The following LRP1B variants were observed in gnomAD, a reference collection of about 807,000 sequenced individuals.
LRP1B encodes the protein low-density lipoprotein receptor-related protein 1B.
A neutral mutation model predicts 556.6 loss-of-function variants in LRP1B; 217 were observed. The observed-to-expected ratio is 0.39, with a 90% CI of 0.35 to 0.44. The LOEUF is 0.44. LRP1B is among the 20% of genes least tolerant of loss of function. The pLI is 1.00. For synonymous variants in LRP1B, 2,047 were observed against 1,865.8 expected, an observed-to-expected ratio of 1.10 and a Z score of -2.50; for missense variants, 5,053 against 5,620.8, an observed-to-expected ratio of 0.90 and a Z score of 3.23.
rs570869657 is a variant in LRP1B, at chr2:140,912,455, T to C, written c.3320-4378A>G. On this transcript the variant is annotated intron_variant, in intron 21 of 90. Transcript: ENST00000389484. ...ATAGACATTATAACTATCCAATAGATAGAATATCCAAAAATCTTTAAAATA... is the reference window on the plus strand; with the variant it reads ...ATAGACATTATAACTATCCAATAGACAGAATATCCAAAAATCTTTAAAATA... Among the ~76,000 whole-genome samples the C allele has an allele frequency of 4.6e-5, 7 of 151,740 alleles. No homozygotes were observed. In the South Asian group the frequency reaches 1.0e-3, roughly 22 times the overall value.
At chr2:142,078,318 T>C (rs1705585215) in intron 1 of LRP1B, among the ~76,000 whole-genome samples, 1 of 152,176 alleles carries the variant, frequency 6.6e-6, no homozygotes, top group Non-Finnish European at 1.5e-5. Flanking sequence ...ACCCAAGATA[T>C]CCTCCTTCCC....
intron 2 of LRP1B, among the ~76,000 whole-genome samples, chr2:141,507,979 T>C (rs1462750284): frequency 2.6e-5 from 4 of 151,686 alleles, no homozygotes; most frequent in Non-Finnish European, 5.9e-5. Context: ...TCCCAGATAC[T>C]TGGGAGGCTG....
At chr2:141,178,243 G>A (rs1042537563) in intron 7 of LRP1B, among the ~76,000 whole-genome samples, 8 of 152,036 alleles carry the variant, frequency 5.3e-5, no homozygotes, top group Non-Finnish European at 1.0e-4. Flanking sequence ...GCCTCCTATT[G>A]GAAGCACAGC....
intron 2 of LRP1B, among the ~76,000 whole-genome samples, chr2:141,707,799 G>A (rs953010980): frequency 8.6e-4 from 131 of 152,258 alleles, no homozygotes; most frequent in African/African-American, 3.0e-3. Flanking sequence ...GTAAAACACC[G>A]TGGGAGCAGG....
At chr2:141,133,305 C>CACAAT (rs1558883130) in intron 7 of LRP1B, among the ~76,000 whole-genome samples, 1 of 129,982 alleles carries the variant, frequency 7.7e-6, no homozygotes. Context: ...TTTTTTTTTT[C>CACAAT]CACAATACTG....
chr2:141,870,537 A>C (rs1040175561), intron 1 of LRP1B, among the ~76,000 whole-genome samples: 1 of 152,004 alleles, frequency 6.6e-6, no homozygotes, highest in Non-Finnish European at 1.5e-5. Context: ...CTTTTGCTCC[A>C]TCTTTAAGTC....
At chr2:141,526,440 G>T (rs988663231) in intron 2 of LRP1B, among the ~76,000 whole-genome samples, 3 of 152,030 alleles carry the variant, frequency 2.0e-5, no homozygotes, top group African/African-American at 7.2e-5. Flanking sequence ...AATGTTGATT[G>T]TCAGTGAAGC....
intron 7 of LRP1B, among the ~76,000 whole-genome samples, chr2:141,124,664 G>GAAAAAAAAAAA (rs570765407): frequency 1.2e-4 from 9 of 73,628 alleles, no homozygotes; most frequent in African/African-American, 2.4e-4. Context: ...AGTGACAAAT[G>GAAAAAAAAAAA]AAAAAAAAAA....
chr2:140,536,830 A>AT, intron 45 of LRP1B, 121 bp from the exon 46 acceptor site: 1 of 748,098 alleles, frequency 1.3e-6, no homozygotes, highest in Non-Finnish European at 2.1e-6. Flanking sequence ...AAAATGTACA[A>AT]TTAAAGAGCA....
chr2:141,232,953 G>A (rs557892076), intron 5 of LRP1B, among the ~76,000 whole-genome samples: 12 of 152,274 alleles, frequency 7.9e-5, no homozygotes, highest in African/African-American at 2.9e-4. Flanking sequence ...AACTGGCATA[G>A]CCCTGGCAAA....
intron 1 of LRP1B, among the ~76,000 whole-genome samples, chr2:141,813,020 C>G (rs967382756): frequency 6.6e-6 from 1 of 151,916 alleles, no homozygotes; most frequent in African/African-American, 2.4e-5. Context: ...AAATAACAGA[C>G]GAATAAATAG....
intron 1 of LRP1B, among the ~76,000 whole-genome samples, chr2:142,071,823 C>G (rs2218734): frequency 0.43 from 64,871 of 151,772 alleles, 15,887 homozygotes; most frequent in East Asian, 0.68. Flanking sequence ...CTCCCCTTCT[C>G]TCTCCAAAAC....
At chr2:141,016,600 A>G (rs1337456498) in intron 12 of LRP1B, among the ~76,000 whole-genome samples, 2 of 152,108 alleles carry the variant, frequency 1.3e-5, no homozygotes, top group East Asian at 1.9e-4. Context: ...TTTAATGTCT[A>G]TCTCAAACAA....
chr2:141,540,465 T>C (rs184601617), intron 2 of LRP1B, among the ~76,000 whole-genome samples: 41 of 152,178 alleles, frequency 2.7e-4, no homozygotes, highest in Admixed American at 7.2e-4. Flanking sequence ...ATTTAGCCAA[T>C]TTAAATTTTT....
chr2:140,917,457 C>T (rs539705193), intron 21 of LRP1B, among the ~76,000 whole-genome samples: 1 of 152,206 alleles, frequency 6.6e-6, no homozygotes, highest in Non-Finnish European at 1.5e-5. Context: ...AGATGTCCTT[C>T]AGTGGGTAAA....
chr2:140,664,481 T>C (rs1047461000), intron 41 of LRP1B, among the ~76,000 whole-genome samples: 31 of 152,060 alleles, frequency 2.0e-4, no homozygotes, highest in Non-Finnish European at 4.4e-5. Flanking sequence ...AAAATTAAAA[T>C]AATGAAGGAA....
chr2:141,921,232 T>C (rs558533606), intron 1 of LRP1B, among the ~76,000 whole-genome samples: 2 of 152,168 alleles, frequency 1.3e-5, no homozygotes, highest in Admixed American at 6.5e-5. Context: ...TTTATGTACA[T>C]GAATATTTTG....
intron 7 of LRP1B, among the ~76,000 whole-genome samples, chr2:141,145,970 G>A (rs1574123022): frequency 7.5e-6 from 1 of 133,720 alleles, no homozygotes; most frequent in Non-Finnish European, 1.5e-5. Flanking sequence ...TGTTGCCCAG[G>A]CTGGAGTGTA....
chr2:141,486,062 A>G (rs1169234811), intron 2 of LRP1B, among the ~76,000 whole-genome samples: 1 of 152,154 alleles, frequency 6.6e-6, no homozygotes, highest in Non-Finnish European at 1.5e-5. Context: ...TCCTCATGAG[A>G]ATGTCACCTC....
Sources: gnomAD v4.1 joint callset for allele counts (sites outside exome capture counted in the v4.1 genomes callset) on GRCh38, gnomAD v4.1.1 for gene constraint, MANE v1.5 for transcripts, NCBI Gene and HGNC (gene_info 2026-07-23, HGNC 2026-07-21) for gene names.